SORCS2: variants seen among roughly 807,000 people sequenced by gnomAD.
The protein encoded by SORCS2 is VPS10 domain-containing receptor SorCS2.
A neutral mutation model predicts 141.6 loss-of-function variants in SORCS2; 100 were observed. The observed-to-expected ratio is 0.71, with a 90% CI of 0.60 to 0.83. The LOEUF is 0.83. SORCS2 is among the 40% of genes least tolerant of loss of function. The pLI is 0.00. For missense variants in SORCS2, 1,646 were observed against 1,560.2 expected, an observed-to-expected ratio of 1.05 and a Z score of -0.93; for synonymous variants, 789 against 676.9, an observed-to-expected ratio of 1.17 and a Z score of -2.57.
chr4:7,434,939 C>T, intron 2 of SORCS2: 8 of 1,463,996 alleles, frequency 5.5e-6, no homozygotes, highest in Non-Finnish European at 7.2e-6. Context: ...ATAAACCTGG[C>T]TCTCCTGCCT....
At chr4:7,208,173 C>T (rs892100819) in intron 1 of SORCS2, among the ~76,000 whole-genome samples, 5 of 151,966 alleles carry the variant, frequency 3.3e-5, no homozygotes, top group African/African-American at 1.2e-4. Context: ...GGCCTGGCCT[C>T]CTCACCCCCT....
intron 21 of SORCS2, among the ~76,000 whole-genome samples, 200 bp from the exon 22 acceptor site, chr4:7,728,150 G>T (rs1244510579): frequency 6.6e-6 from 1 of 152,198 alleles, no homozygotes; most frequent in Admixed American, 6.5e-5. Flanking sequence ...GGCATCCAGG[G>T]AAGGAGCTGG....
At chr4:7,699,216 T>A (rs1724898347) in intron 12 of SORCS2, among the ~76,000 whole-genome samples, 1 of 152,146 alleles carries the variant, frequency 6.6e-6, no homozygotes, top group African/African-American at 2.4e-5. Context: ...CCCTGCTGCT[T>A]GCTCAAGGCG....
chr4:7,502,798 G>A lies in SORCS2; in HGVS notation c.549-28732G>A, dbSNP rs573650235. On this transcript the variant is annotated intron_variant, in intron 2 of 26. Transcript: ENST00000507866. ...CACTGTGCGGGGAGCAGGGAAGCCG[G>A]CCTTGCCCCCACGGCATGCCCACTT... is the stretch of plus-strand genomic sequence containing the variant. Among the ~76,000 whole-genome samples the A allele has an allele frequency of 1.9e-3, 283 of 152,262 alleles. 1 individual carries two copies. Among genetic ancestry groups the A allele is most frequent in the African/African-American group, 6.5e-3 (270 of 41,564 alleles).
intron 2 of SORCS2, among the ~76,000 whole-genome samples, chr4:7,529,441 C>T (rs1355341684): frequency 5.9e-5 from 9 of 152,234 alleles, no homozygotes; most frequent in African/African-American, 2.2e-4. Context: ...TGCTCATGGG[C>T]TCCTAGCTGC....
rs530620400 is a variant in SORCS2, at chr4:7,460,295, G to A, written c.548+63940G>A. Reference sequence around the variant, plus strand: ...CCCAGAGGACATGGTCCCCGATGCTGCCATCTTTCTGATGGGGCCCACCTG... The same window carrying A: ...CCCAGAGGACATGGTCCCCGATGCTACCATCTTTCTGATGGGGCCCACCTG... On this transcript the variant is annotated intron_variant, in intron 2 of 26. Coordinates refer to ENST00000507866, the MANE Select transcript of SORCS2 (RefSeq NM_020777.3). Among the ~76,000 whole-genome samples, 207 of 152,358 alleles carry A rather than the reference G, an allele frequency of 1.4e-3. 1 individual carries two copies. The highest frequency in any genetic ancestry group is 2.5e-3 in the Non-Finnish European group (169 of 68,026).
chr4:7,316,922 G>A (rs191832348), intron 1 of SORCS2, among the ~76,000 whole-genome samples: 38 of 152,230 alleles, frequency 2.5e-4, no homozygotes, highest in Non-Finnish European at 4.6e-4. Flanking sequence ...AGTCTCTTGT[G>A]GCTTCTGGTT....
chr4:7,321,187 A>G (rs539191222), intron 1 of SORCS2, among the ~76,000 whole-genome samples: 1 of 152,198 alleles, frequency 6.6e-6, no homozygotes. Flanking sequence ...AAGTGAGAAC[A>G]TAGAGTATTT....
rs139389416 is a variant in SORCS2 at position 7,411,741 on chromosome 4, C to T, written c.548+15386C>T. Among the ~76,000 whole-genome samples the T allele has an allele frequency of 3.9e-5, 6 of 152,284 alleles. No homozygotes were observed. In the East Asian group the frequency reaches 1.2e-3, roughly 29 times the overall value. On this transcript the variant is annotated intron_variant, in intron 2 of 26. Transcript: ENST00000507866. ...GTACAGACAAGGAACCAATCCATGA[C>T]AGTGGCATGTAATCTACCGTATGGT...
intron 2 of SORCS2, among the ~76,000 whole-genome samples, chr4:7,492,771 C>T (rs4308363): frequency 1.3e-5 from 2 of 152,162 alleles, no homozygotes; most frequent in African/African-American, 4.8e-5. Flanking sequence ...AAGTCAAAAT[C>T]CTTTCTTCTT....
chr4:7,549,875 C>T (rs921672965), intron 3 of SORCS2, among the ~76,000 whole-genome samples: 3 of 152,178 alleles, frequency 2.0e-5, no homozygotes, highest in African/African-American at 7.2e-5. Context: ...GAATGAAACA[C>T]ATGAGTCCCA....
Position 7,648,085 on chromosome 4 carries a change from G to T in SORCS2, c.814-6049G>T, listed in dbSNP as rs1477074570. On this transcript the variant is annotated intron_variant, in intron 4 of 26. Transcript: ENST00000507866. This position sits in a 1 kb window ranked among gnomAD's most constrained non-coding sequence, Gnocchi z 4.2. ...TGGAATGGGGTGCCGGCCCCTGAGG[G>T]CTCTGCTTACGGTGGGGCAGGTGGG... is the stretch of plus-strand genomic sequence containing the variant. Among the ~76,000 whole-genome samples the T allele has an allele frequency of 6.6e-6, 1 of 152,154 alleles. No homozygotes were observed. The highest frequency in any genetic ancestry group is 1.5e-5 in the Non-Finnish European group (1 of 68,042).
chr4:7,399,578 G>C (rs1724439229), intron 2 of SORCS2, among the ~76,000 whole-genome samples: 1 of 152,056 alleles, frequency 6.6e-6, no homozygotes, highest in South Asian at 2.1e-4. Context: ...CTCAATCTCA[G>C]GCCCCCTTGA....
At chr4:7,261,118 C>A (rs1171085073) in intron 1 of SORCS2, among the ~76,000 whole-genome samples, 4 of 152,186 alleles carry the variant, frequency 2.6e-5, no homozygotes, top group Non-Finnish European at 4.4e-5. Context: ...GTGATGGGTG[C>A]TGGAACCAGC....
intron 2 of SORCS2, among the ~76,000 whole-genome samples, chr4:7,489,929 C>G (rs1731217659): frequency 6.6e-6 from 1 of 152,184 alleles, no homozygotes; most frequent in Non-Finnish European, 1.5e-5. Flanking sequence ...TGTCCTGTGG[C>G]TAGGCGGATG....
chr4:7,380,786 G>A (rs1254627017), intron 1 of SORCS2, among the ~76,000 whole-genome samples: 1 of 151,960 alleles, frequency 6.6e-6, no homozygotes, highest in Admixed American at 6.5e-5. Context: ...TTGCTTACTT[G>A]TGTTAAAGAA....
At chr4:7,344,543 C>T (rs1362991258) in intron 1 of SORCS2, among the ~76,000 whole-genome samples, 1 of 152,210 alleles carries the variant, frequency 6.6e-6, no homozygotes, top group Non-Finnish European at 1.5e-5. Context: ...GTGCCCCCAT[C>T]AGGGGCTGGG....
chr4:7,204,087 C>T (rs186641834), intron 1 of SORCS2, among the ~76,000 whole-genome samples: 10 of 152,264 alleles, frequency 6.6e-5, no homozygotes, highest in Admixed American at 4.6e-4. Context: ...GGGTTGTTTC[C>T]ACCTTTTGGG....
At chr4:7,445,253 C>T (rs1727913334) in intron 2 of SORCS2, among the ~76,000 whole-genome samples, 1 of 152,148 alleles carries the variant, frequency 6.6e-6, no homozygotes, top group Non-Finnish European at 1.5e-5. Flanking sequence ...CAGTAAGGGC[C>T]AGACCTGAGG....
Sources: gnomAD v4.1 joint callset for allele counts (sites outside exome capture counted in the v4.1 genomes callset) on GRCh38, gnomAD v4.1.1 for gene constraint, Gnocchi (gnomAD v3.1) non-coding constraint, MANE v1.5 for transcripts, NCBI Gene and HGNC (gene_info 2026-07-23, HGNC 2026-07-21) for gene names.